The following GRM5 variants were observed in gnomAD, a reference collection of about 807,000 sequenced individuals.
The protein encoded by GRM5 is glutamate metabotropic receptor 5.
GRM5 carries 19 observed loss-of-function variants against 83.1 expected under a neutral mutation model. The observed-to-expected ratio is 0.23, with a 90% CI of 0.16 to 0.34. GRM5 has a LOEUF of 0.34. Among genes scored for constraint, GRM5 ranks in the 10% least tolerant of loss-of-function variants. The pLI, the probability that GRM5 is intolerant of heterozygous loss-of-function variation, is 1.00. For missense variants in GRM5, 1,160 were observed against 1,588.3 expected (o/e 0.73, Z 4.58); for synonymous variants, 675 against 633.6 (o/e 1.07, Z -0.98).
chr11:88,930,275 A>G (rs2135645456), intron 2 of GRM5, among the ~76,000 whole-genome samples: 1 of 151,992 alleles, frequency 6.6e-6, no homozygotes, highest in African/African-American at 2.4e-5. Context: ...TTAGTTTGGC[A>G]TAGTGAAGAA....
chr11:88,888,673 C>T (rs537623346), intron 2 of GRM5, among the ~76,000 whole-genome samples: 2 of 152,084 alleles, frequency 1.3e-5, no homozygotes, highest in South Asian at 2.1e-4. Flanking sequence ...CCTGTGCAAA[C>T]CGGTAAAAGA....
At chr11:88,680,985 C>T (rs1429098620) in intron 3 of GRM5, among the ~76,000 whole-genome samples, 4 of 152,130 alleles carry the variant, frequency 2.6e-5, no homozygotes, top group Non-Finnish European at 5.9e-5. Context: ...ATGCAATATT[C>T]TGTGGTTTTT....
chr11:88,918,780 G>C (rs957551887), intron 2 of GRM5, among the ~76,000 whole-genome samples: 2 of 151,696 alleles, frequency 1.3e-5, no homozygotes, highest in African/African-American at 4.8e-5. Context: ...GTTTTTATTA[G>C]TTTTTCTTTG....
intron 4 of GRM5, among the ~76,000 whole-genome samples, chr11:88,615,386 A>G (rs1012482014): frequency 1.3e-5 from 2 of 152,198 alleles, no homozygotes; most frequent in Non-Finnish European, 2.9e-5. Context: ...ACAGAAAGAC[A>G]TCATGATTTG....
intron 3 of GRM5, among the ~76,000 whole-genome samples, chr11:88,837,963 T>C (rs1944122413): frequency 6.6e-6 from 1 of 151,274 alleles, no homozygotes; most frequent in Non-Finnish European, 1.5e-5. Context: ...CGGGTGCCTG[T>C]AGTCCCAGCT....
At position 89,038,428 on chromosome 11, in the gene GRM5, T is replaced by TA. The variant is rs201090695; in HGVS notation, c.661+8783dup. ...ATTTAACAATATATCCTCCAGCTCT[T>TA]AAAAAATTCTGTACCATATTGCTTC... On this transcript the variant is annotated intron_variant, in intron 2 of 9. Coordinates refer to ENST00000305447, the MANE Select transcript of GRM5 (RefSeq NM_001143831.3). Among the ~76,000 whole-genome samples, 81 of 152,278 alleles carry TA rather than the reference T, an allele frequency of 5.3e-4. 2 individuals carry two copies. The East Asian group carries it at 0.015, about 29-fold the overall frequency.
chr11:88,560,801 C>T (rs1282368803), intron 8 of GRM5, among the ~76,000 whole-genome samples: 1 of 152,156 alleles, frequency 6.6e-6, no homozygotes, highest in Non-Finnish European at 1.5e-5. Flanking sequence ...TACATATGTA[C>T]ACAAAACAAA....
At chr11:88,754,871 A>G (rs1290472977) in intron 3 of GRM5, among the ~76,000 whole-genome samples, 1 of 152,088 alleles carries the variant, frequency 6.6e-6, no homozygotes. Context: ...CTCCAAATCA[A>G]TTGTCTCTGT....
intron 3 of GRM5, among the ~76,000 whole-genome samples, chr11:88,800,927 G>C (rs1414878256): frequency 1.3e-5 from 2 of 152,102 alleles, no homozygotes; most frequent in Non-Finnish European, 1.5e-5. Context: ...CTTTTAAACA[G>C]GGTCTAGCTT....
intron 3 of GRM5, among the ~76,000 whole-genome samples, chr11:88,759,313 G>A (rs968284997): frequency 5.9e-5 from 9 of 152,026 alleles, no homozygotes; most frequent in South Asian, 2.1e-4. Context: ...CCCAATGTAC[G>A]GTCTCTTCAG....
At chr11:88,582,326 A>C (rs1227761660) in intron 7 of GRM5, among the ~76,000 whole-genome samples, 2 of 152,310 alleles carry the variant, frequency 1.3e-5, no homozygotes, top group South Asian at 4.1e-4. Flanking sequence ...TGTGTGGTTT[A>C]ACTATTGTAT....
At chr11:88,577,607 T>C (rs761567024) in intron 7 of GRM5, among the ~76,000 whole-genome samples, 23 of 152,150 alleles carry the variant, frequency 1.5e-4, no homozygotes, top group Non-Finnish European at 3.2e-4. Flanking sequence ...TATTACCTTC[T>C]TTAATACCTA....
chr11:89,044,908 C>G (rs1027572548), intron 2 of GRM5, among the ~76,000 whole-genome samples: 1 of 151,294 alleles, frequency 6.6e-6, no homozygotes, highest in Non-Finnish European at 1.5e-5. Flanking sequence ...AAAGCTGTAT[C>G]CTGTTTGACT....
At position 88,653,191 on chromosome 11, in the gene GRM5, C is replaced by T. The variant is rs774790960; in HGVS notation, c.1124G>A (p.Ser375Asn). The T allele has an allele frequency of 1.1e-5, 18 of 1,604,294 alleles. No homozygotes were observed. In the East Asian group the frequency reaches 4.0e-4, roughly 36 times the overall value. The change falls in exon 4 of 10, where the codon AGC becomes AAC. Residue 375 changes from serine (S) to asparagine (N), a missense_variant. Physicochemically the swap from Ser to Asn is conservative, Grantham distance 46. This residue lies in a region of GRM5 where 132 missense variants were observed against 197.6 expected (regional missense o/e 0.67). Transcript: ENST00000305447. ...CRLEGFPQEN[S>N]KYNKTCNSSL... The stretch of plus-strand genomic sequence containing the variant: ...ACTATTGCAAGTCTTGTTGTATTTG[C>T]TGTTCTCCTGTGGAAACCCTTCCAG...
intron 2 of GRM5, among the ~76,000 whole-genome samples, chr11:88,920,370 T>C (rs1945667704): frequency 8.2e-6 from 1 of 122,694 alleles, no homozygotes; most frequent in South Asian, 2.5e-4. Context: ...AATAGACCAA[T>C]AACAAGTAAG....
chr11:88,705,753 T>C (rs1941141215), intron 3 of GRM5, among the ~76,000 whole-genome samples: 1 of 151,536 alleles, frequency 6.6e-6, no homozygotes, highest in South Asian at 2.1e-4. Context: ...TCTGATCTTA[T>C]CTCTCCTCTA....
At chr11:88,526,471 T>G (rs1272723640) in intron 8 of GRM5, among the ~76,000 whole-genome samples, 1 of 152,172 alleles carries the variant, frequency 6.6e-6, no homozygotes, top group Non-Finnish European at 1.5e-5. Flanking sequence ...CTGTAGAGCT[T>G]GCAGGGGCCC....
At chr11:88,981,748 C>A (rs1417221201) in intron 2 of GRM5, among the ~76,000 whole-genome samples, 2 of 152,192 alleles carry the variant, frequency 1.3e-5, no homozygotes, top group Non-Finnish European at 2.9e-5. Flanking sequence ...CGTATCTCAG[C>A]TCTGCCCTCA....
At chr11:88,956,569 G>A (rs905009214) in intron 2 of GRM5, among the ~76,000 whole-genome samples, 1 of 152,086 alleles carries the variant, frequency 6.6e-6, no homozygotes, top group African/African-American at 2.4e-5. Context: ...CACTTTCGGC[G>A]GCCGAGGCGG....
Sources: gnomAD v4.1 joint callset for allele counts (sites outside exome capture counted in the v4.1 genomes callset) on GRCh38, gnomAD v4.1.1 for gene constraint, gnomAD v4.1.1 regional missense constraint, MANE v1.5 for transcripts, NCBI Gene and HGNC (gene_info 2026-07-23, HGNC 2026-07-21) for gene names.